Variants in UROD observed in about 807,000 individuals in gnomAD.
The protein encoded by UROD is uroporphyrinogen decarboxylase.
In UROD, 34 loss-of-function variants were observed where a neutral mutation model predicts 47.1. That is an observed-to-expected ratio of 0.72 (90% CI 0.55 to 0.96). The LOEUF is 0.96. UROD is among the 40% of genes least tolerant of loss of function. The pLI is 0.00. For synonymous variants in UROD, 148 were observed against 175.8 expected (o/e 0.84, Z 1.25); for missense variants, 381 against 471.8 (o/e 0.81, Z 1.78).
rs370599065 is a variant in UROD at position 45,013,336 on chromosome 1, C to T, written c.258C>T (p.Asp86=). ...TGGATGCTGCCATCATTTTCTCCGA[C>T]ATCCTTGTTGTACCCCAGGTACCCA... ...FPLDAAIIFS[D]ILVVPQALGM... Residue 86 remains aspartate, a synonymous_variant, in exon 4 of 10, where the codon GAC becomes GAT. Coordinates refer to ENST00000246337, the MANE Select transcript of UROD (RefSeq NM_000374.5). This position sits in a 1 kb window ranked among gnomAD's most constrained non-coding sequence, Gnocchi z 4.2. 2 of 1,614,112 alleles carry T rather than the reference C, an allele frequency of 1.2e-6. No homozygotes were observed. Among genetic ancestry groups the T allele is most frequent in the African/African-American group, 2.7e-5 (2 of 74,940 alleles).
At chr1:45,014,902 A>G (rs776748997) in intron 8 of UROD, 38 bp from the exon 9 acceptor site, 2 of 1,614,154 alleles carry the variant, frequency 1.2e-6, no homozygotes, top group Admixed American at 1.7e-5. Context: ...GCTGCCATGT[A>G]TGCAGTTACC....
chr1:45,013,275 TCTC>T lies in UROD; in HGVS notation c.214-14_214-12del. 1 of 1,614,168 alleles carries T rather than the reference TCTC, an allele frequency of 6.2e-7. No individual in the cohort carries two copies. Among genetic ancestry groups the T allele is most frequent in the Non-Finnish European group, 8.5e-7 (1 of 1,180,028 alleles). ...CTTCAGTCTGCCACCTAGCAACCTG[TCTC>T]CTGTTTCCTACAGCCACTGCGTCGC... On this transcript the variant is annotated splice_polypyrimidine_tract_variant and intron_variant, in intron 3 of 9. Transcript: ENST00000246337. The surrounding 1 kb of genome is among the most constrained non-coding windows in gnomAD (Gnocchi z 4.2).
At position 45,013,132 on chromosome 1, in the gene UROD, G is replaced by T; in HGVS notation, c.134-4G>T. The T allele has an allele frequency of 6.2e-7, 1 of 1,614,154 alleles. No individual in the cohort carries two copies. The highest frequency in any genetic ancestry group is 8.5e-7 in the Non-Finnish European group (1 of 1,180,034). On this transcript the variant is annotated splice_polypyrimidine_tract_variant and splice_region_variant and intron_variant, in intron 2 of 9. Coordinates refer to ENST00000246337, the MANE Select transcript of UROD (RefSeq NM_000374.5). The surrounding 1 kb of genome is among the most constrained non-coding windows in gnomAD (Gnocchi z 4.2). ...GCTGAGCCCTGTCTTCCCTCTGTAT[G>T]CAGAGTTTAGGGAAACCCGGGCTGC...
rs1321987102 is a variant in UROD at position 45,013,701 on chromosome 1, C to G, written c.384C>G (p.Ala128=). The G allele has an allele frequency of 6.2e-7, 1 of 1,614,152 alleles. No homozygotes were observed. The highest frequency in any genetic ancestry group is 8.5e-7 in the Non-Finnish European group (1 of 1,180,036). The change falls in exon 5 of 10, where the codon GCC becomes GCG. Residue 128 remains alanine (A), a synonymous_variant. Coordinates refer to ENST00000246337, the MANE Select transcript of UROD (RefSeq NM_000374.5). This position sits in a 1 kb window ranked among gnomAD's most constrained non-coding sequence, Gnocchi z 4.2. ...LERLRDPEVV[A]SELGYVFQAI... is the part of the protein sequence containing the mutation. ...GCCTACGGGATCCAGAAGTGGTAGCCTCTGAGCTAGGCTATGTGTTCCAAG... is the reference window on the plus strand; with the variant it reads ...GCCTACGGGATCCAGAAGTGGTAGCGTCTGAGCTAGGCTATGTGTTCCAAG...
At chr1:45,012,758 A>C (rs1045803860) in intron 1 of UROD, 149 bp from the exon 2 acceptor site, 1 of 1,502,676 alleles carries the variant, frequency 6.7e-7, no homozygotes, top group East Asian at 2.5e-5. Context: ...GGCAGAGAGG[A>C]GGCGGAACGG....
rs745970052 is a variant in UROD, at chr1:45,015,514, C to T, written c.*16C>T. On this transcript the variant is annotated 3_prime_UTR_variant, in exon 10 of 10. Transcript: ENST00000246337. ...ACAGAACTGAGTGTATACCTTTACC[C>T]TCAAGTACCACTAACACAGATGATT... is the stretch of plus-strand genomic sequence containing the variant. 6.2e-7 allele frequency: 1 copy of T among 1,614,208 alleles called. No homozygotes were observed. Among genetic ancestry groups the T allele is most frequent in the Non-Finnish European group, 8.5e-7 (1 of 1,180,038 alleles).
rs2228084 is a variant in UROD, at chr1:45,014,037, A to G, written c.603A>G (p.Pro201=). ...GCATCCTCACTGATGCTCTGGTCCC[A>G]TATCTGGTAGGACAAGTGGTGGCTG... ...LLRILTDALV[P]YLVGQVVAGA... is the part of the protein sequence containing the mutation. Residue 201 remains proline (P), a synonymous_variant, in exon 6 of 10, where the codon CCA becomes CCG. Coordinates refer to ENST00000246337, the MANE Select transcript of UROD (RefSeq NM_000374.5). 0.066 allele frequency: 106,610 copies of G among 1,614,134 alleles called. 4,074 individuals are homozygous for G. Among genetic ancestry groups the G allele is most frequent in the African/African-American group, 0.15 (10,947 of 74,998 alleles).
chr1:45,013,520 T>C lies in UROD; in HGVS notation c.277-74T>C, dbSNP rs1191104952. The C allele has an allele frequency of 1.2e-6, 2 of 1,609,780 alleles. No individual in the cohort carries two copies. Among genetic ancestry groups the C allele is most frequent in the African/African-American group, 2.7e-5 (2 of 74,830 alleles). ...AGAGTTTTATTCTCCTTTTCCTTCC[T>C]CCTGGAATGAGCTGAACAGAACCTT... is the stretch of plus-strand genomic sequence containing the variant. On this transcript the variant is annotated intron_variant, in intron 4 of 9. Transcript: ENST00000246337. This position sits in a 1 kb window ranked among gnomAD's most constrained non-coding sequence, Gnocchi z 4.2.
At position 45,015,334 on chromosome 1, in the gene UROD, CAGG is replaced by C; in HGVS notation, c.946_948del (p.Glu316del). On this transcript the variant is annotated splice_acceptor_variant and coding_sequence_variant, in exon 10 of 10. Coordinates refer to ENST00000246337, the MANE Select transcript of UROD (RefSeq NM_000374.5). LOFTEE classifies it high-confidence loss of function. ...TGTAGCCAGTGCCCTGTTGGTCCCC[CAGG>C]AGGAGATCGGGCAGTTGGTGAAGCA... The C allele has an allele frequency of 6.2e-7, 1 of 1,613,822 alleles. No homozygotes were observed. Among genetic ancestry groups the C allele is most frequent in the Non-Finnish European group, 8.5e-7 (1 of 1,179,952 alleles).
Position 45,013,881 on chromosome 1 carries a change from G to T in UROD, c.475-28G>T, listed in dbSNP as rs770687500. The T allele has an allele frequency of 3.7e-6, 6 of 1,614,096 alleles. No individual in the cohort carries two copies. In the African/African-American group the frequency reaches 8.0e-5, roughly 22 times the overall value. Reference sequence around the variant, plus strand: ...AAAAGGAAGGGTCAGTCTGGCTTCTGTGACACCATCTTTCTATCCTTCTCT... The same window carrying T: ...AAAAGGAAGGGTCAGTCTGGCTTCTTTGACACCATCTTTCTATCCTTCTCT... On this transcript the variant is annotated intron_variant, in intron 5 of 9. Transcript: ENST00000246337. This position sits in a 1 kb window ranked among gnomAD's most constrained non-coding sequence, Gnocchi z 4.2.
chr1:45,014,341 G>A (rs1644830675), intron 6 of UROD, 98 bp from the exon 7 acceptor site: 7 of 1,584,546 alleles, frequency 4.4e-6, no homozygotes, highest in Middle Eastern at 1.7e-4. Context: ...GCAGTATCAG[G>A]GATTGAAGTC....
At chr1:45,014,889 G>A (rs1381755964) in intron 8 of UROD, 51 bp from the exon 9 acceptor site, 1 of 1,614,056 alleles carries the variant, frequency 6.2e-7, no homozygotes, top group African/African-American at 1.3e-5. Flanking sequence ...GTTGGCTGGG[G>A]GAGCTGCCAT....
In UROD at chr1:45,013,214, A is replaced by G. The variant is rs751489215; in HGVS notation, c.212A>G (p.Gln71Arg). Residue 71 changes from glutamine (Q) to arginine (R), a missense_variant and splice_region_variant, in exon 3 of 10, where the codon CAG (glutamine) becomes CGG (arginine). Gln to Arg is a conservative substitution (Grantham distance 43). Coordinates refer to ENST00000246337, the MANE Select transcript of UROD (RefSeq NM_000374.5). This position sits in a 1 kb window ranked among gnomAD's most constrained non-coding sequence, Gnocchi z 4.2. ...SPEACCELTL[Q>R]PLRRFPLDAA... Reference sequence around the variant, plus strand: ...GAGGCCTGCTGTGAACTGACTCTGCAGGTGAGGGGTCCACAAAAGAGGGAA... The same window carrying G: ...GAGGCCTGCTGTGAACTGACTCTGCGGGTGAGGGGTCCACAAAAGAGGGAA... The G allele has an allele frequency of 6.2e-7, 1 of 1,614,164 alleles. No homozygotes were observed. The highest frequency in any genetic ancestry group is 8.5e-7 in the Non-Finnish European group (1 of 1,180,028).
intron 1 of UROD, 126 bp downstream of exon 1, chr1:45,012,411 G>T: frequency 7.4e-7 from 1 of 1,349,620 alleles, no homozygotes; most frequent in East Asian, 2.3e-5. Flanking sequence ...TCCGTTAGCT[G>T]GGATCCTGAA....
chr1:45,013,702 T>C lies in UROD; in HGVS notation c.385T>C (p.Ser129Pro), dbSNP rs1644824667. ...CCTACGGGATCCAGAAGTGGTAGCC[T>C]CTGAGCTAGGCTATGTGTTCCAAGC... The part of the protein sequence containing the change: ...ERLRDPEVVA[S>P]ELGYVFQAIT... The change falls in exon 5 of 10, where the codon TCT (serine) becomes CCT (proline). Residue 129 changes from serine to proline, a missense_variant. Ser to Pro is a moderately conservative substitution (Grantham distance 74). Transcript: ENST00000246337. This position sits in a 1 kb window ranked among gnomAD's most constrained non-coding sequence, Gnocchi z 4.2. 8 of 1,614,130 alleles carry C rather than the reference T, an allele frequency of 5.0e-6. No homozygotes were observed. Among genetic ancestry groups the C allele is most frequent in the Non-Finnish European group, 6.8e-6 (8 of 1,180,014 alleles).
chr1:45,013,944 C>G lies in UROD; in HGVS notation c.510C>G (p.Gly170=), dbSNP rs1193351328. ...TGACATACATGGTTGAGGGTGGTGG[C>G]TCAAGCACCATGGCTCAGGCCAAGC... The part of the protein sequence containing the change: ...TLMTYMVEGG[G]SSTMAQAKRW... The change falls in exon 6 of 10, where the codon GGC becomes GGG. Residue 170 remains glycine, a synonymous_variant. Transcript: ENST00000246337. The surrounding 1 kb of genome is among the most constrained non-coding windows in gnomAD (Gnocchi z 4.2). 6.2e-7 allele frequency: 1 copy of G among 1,614,130 alleles called. No homozygotes were observed. The highest frequency in any genetic ancestry group is 1.7e-5 in the Admixed American group (1 of 60,008).
chr1:45,015,186 C>T (rs1644840242), intron 9 of UROD, 151 bp from the exon 10 acceptor site: 3 of 1,421,974 alleles, frequency 2.1e-6, no homozygotes, highest in Admixed American at 3.9e-5. Context: ...TGCTTCATGC[C>T]TGGGTCCATA....
intron 6 of UROD, 55 bp from the exon 7 acceptor site, chr1:45,014,384 G>A: frequency 6.2e-7 from 1 of 1,613,010 alleles, no homozygotes; most frequent in Non-Finnish European, 8.5e-7. Context: ...TTTTGTATGT[G>A]GGGGAAACTT....
In UROD at chr1:45,012,299, A is replaced by G. The variant is rs769850849; in HGVS notation, c.20+14A>G. 6.2e-7 allele frequency: 1 copy of G among 1,614,126 alleles called. No homozygotes were observed. The highest frequency in any genetic ancestry group is 1.3e-5 in the African/African-American group (1 of 75,046). On this transcript the variant is annotated intron_variant, in intron 1 of 9. Coordinates refer to ENST00000246337, the MANE Select transcript of UROD (RefSeq NM_000374.5). Reference sequence around the variant, plus strand: ...GAATGGGTTGGGGTGAGTTCTCCAGAGCACGCGGTGTGGCTAGCCGGGCTT... The same window carrying G: ...GAATGGGTTGGGGTGAGTTCTCCAGGGCACGCGGTGTGGCTAGCCGGGCTT...
Sources: gnomAD v4.1 joint callset for allele counts on GRCh38, gnomAD v4.1.1 for gene constraint, Gnocchi (gnomAD v3.1) non-coding constraint, MANE v1.5 for transcripts, NCBI Gene and HGNC (gene_info 2026-07-23, HGNC 2026-07-21) for gene names.